The following EIF3M variants were observed in gnomAD, a reference collection of about 807,000 sequenced individuals.
EIF3M encodes eukaryotic translation initiation factor 3 subunit M, also known as B5 receptor.
In EIF3M, 25 loss-of-function variants were observed where a neutral mutation model predicts 49.7. The observed-to-expected ratio is 0.50, with a 90% CI of 0.37 to 0.70. EIF3M has a LOEUF of 0.70. EIF3M is among the 30% of genes least tolerant of loss of function. EIF3M has a pLI of 0.00. For missense variants in EIF3M, 350 were observed against 440.0 expected (o/e 0.80, Z 1.83); for synonymous variants, 156 against 149.8 (o/e 1.04, Z -0.30).
chr11:32,586,917 C>T, intron 1 of EIF3M, 95 bp from the exon 2 acceptor site: 1 of 1,425,744 alleles, frequency 7.0e-7, no homozygotes. Context: ...TTGTTGAATA[C>T]AGTATTTCCG....
chr11:32,603,202 T>G lies in EIF3M; in HGVS notation c.*803T>G, dbSNP rs1855299768. The G allele has an allele frequency of 2.0e-6, 1 of 506,008 alleles. No individual in the cohort carries two copies. Among genetic ancestry groups the G allele is most frequent in the Non-Finnish European group, 3.4e-6 (1 of 290,782 alleles). 31.3% of individuals were successfully genotyped at this position (506,008 alleles called of 1,614,324 possible). On this transcript the variant is annotated 3_prime_UTR_variant, in exon 11 of 11. Transcript: ENST00000531120. Reference sequence around the variant, plus strand: ...TGAATGTGTAGGCTTATGTAGTAGATCTTCAAAATCTCTAATATATAACTG... The same window carrying G: ...TGAATGTGTAGGCTTATGTAGTAGAGCTTCAAAATCTCTAATATATAACTG...
intron 2 of EIF3M, among the ~76,000 whole-genome samples, chr11:32,588,257 C>T (rs900066947): frequency 1.3e-5 from 2 of 151,738 alleles, no homozygotes; most frequent in African/African-American, 4.8e-5. Context: ...GGCGTGGTGG[C>T]GGGTGCCTGT....
intron 1 of EIF3M, among the ~76,000 whole-genome samples, chr11:32,584,522 C>G (rs976704314): frequency 1.3e-4 from 19 of 146,506 alleles, no homozygotes; most frequent in South Asian, 2.1e-4. Flanking sequence ...GCAAGAGAAT[C>G]GCTTGAACCC....
In EIF3M at chr11:32,591,539, C is replaced by T. The variant is rs1358216897; in HGVS notation, c.533+1898C>T. 2.0e-5 allele frequency among the ~76,000 whole-genome samples: 3 copies of T among 152,182 alleles called. No homozygotes were observed. The South Asian group carries it at 6.2e-4, about 31-fold the overall frequency. Reference sequence around the variant, plus strand: ...GATAAAAGACCTCAGGAATGTACATCTAATTGACACTACACTGCATTAATC... The same window carrying T: ...GATAAAAGACCTCAGGAATGTACATTTAATTGACACTACACTGCATTAATC... On this transcript the variant is annotated intron_variant, in intron 5 of 10. Coordinates refer to ENST00000531120, the MANE Select transcript of EIF3M (RefSeq NM_006360.6).
intron 9 of EIF3M, 134 bp from the exon 10 acceptor site, chr11:32,601,628 A>G: frequency 1.4e-6 from 1 of 732,524 alleles, no homozygotes; most frequent in Non-Finnish European, 2.2e-6. Context: ...TTTGCTTATT[A>G]GATTTAAACA....
At chr11:32,599,046 A>G (rs999162077) in intron 8 of EIF3M, among the ~76,000 whole-genome samples, 2 of 152,118 alleles carry the variant, frequency 1.3e-5, no homozygotes, top group African/African-American at 4.8e-5. Flanking sequence ...TTTTAATTCT[A>G]TAATTAAACA....
chr11:32,602,342 C>G lies in EIF3M; in HGVS notation c.1068C>G (p.Ala356=). Residue 356 remains alanine (A), a synonymous_variant, in exon 11 of 11, where the codon GCC becomes GCG. Coordinates refer to ENST00000531120, the MANE Select transcript of EIF3M (RefSeq NM_006360.6). Reference sequence around the variant, plus strand: ...AACAACTGTATGACACACTTAATGCCTGGAAACAAAATCTGAACAAAGTGA... The same window carrying G: ...AACAACTGTATGACACACTTAATGCGTGGAAACAAAATCTGAACAAAGTGA... ...QWQQLYDTLN[A]WKQNLNKVKN... is the part of the protein sequence containing the mutation. 6.2e-7 allele frequency: 1 copy of G among 1,612,334 alleles called. No individual in the cohort carries two copies. The highest frequency in any genetic ancestry group is 2.2e-5 in the East Asian group (1 of 44,744).
At chr11:32,596,812 A>T (rs1855187474) in intron 8 of EIF3M, among the ~76,000 whole-genome samples, 1 of 151,806 alleles carries the variant, frequency 6.6e-6, no homozygotes, top group Non-Finnish European at 1.5e-5. Flanking sequence ...GCCTTAGGCA[A>T]GAGAACCACT....
At position 32,604,115 on chromosome 11, in the gene EIF3M, A is replaced by G. The variant is rs1460748351; in HGVS notation, c.*1716A>G. On this transcript the variant is annotated 3_prime_UTR_variant, in exon 11 of 11. Coordinates refer to ENST00000531120, the MANE Select transcript of EIF3M (RefSeq NM_006360.6). The stretch of plus-strand genomic sequence containing the variant: ...AAAGGAATACTGAATTGTTTTCAAA[A>G]TAACAATTATGGTGGGCTTTCTTTT... 6.6e-6 allele frequency: 1 copy of G among 152,140 alleles called. No individual in the cohort carries two copies. Among genetic ancestry groups the G allele is most frequent in the Admixed American group, 6.5e-5 (1 of 15,276 alleles). 9.4% of individuals were successfully genotyped at this position (152,140 alleles called of 1,614,324 possible).
chr11:32,595,847 G>T, intron 7 of EIF3M, 119 bp from the exon 8 acceptor site: 2 of 719,562 alleles, frequency 2.8e-6, no homozygotes, highest in Non-Finnish European at 4.4e-6. Flanking sequence ...TGATATTTCT[G>T]CCTTGAACAA....
chr11:32,596,108 T>A, intron 8 of EIF3M, 61 bp downstream of exon 8: 1 of 1,262,302 alleles, frequency 7.9e-7, no homozygotes, highest in Non-Finnish European at 1.1e-6. Context: ...CTAACAGTTA[T>A]GTACTATGTG....
intron 10 of EIF3M, 115 bp downstream of exon 10, chr11:32,601,937 T>C: frequency 5.6e-6 from 6 of 1,065,568 alleles, no homozygotes; most frequent in Non-Finnish European, 8.3e-6. Context: ...AGTTAAATAG[T>C]TGCTATTTAT....
chr11:32,589,624 T>C lies in EIF3M; in HGVS notation c.516T>C (p.Leu172=), dbSNP rs776592744. 2.5e-6 allele frequency: 4 copies of C among 1,613,950 alleles called. No individual in the cohort carries two copies. The African/African-American group carries it at 5.3e-5, about 22-fold the overall frequency. ...TTTTAAGACTACTTTATGAGGCACT[T>C]GTGGATTGTAAGAAGAGGTATTCAA... The part of the protein sequence containing the change: ...HTLLRLLYEA[L]VDCKKSDAAS... Residue 172 remains leucine, a synonymous_variant, in exon 5 of 11, where the codon CTT becomes CTC. Transcript: ENST00000531120.
chr11:32,583,946 G>A lies in EIF3M; in HGVS notation c.42+17G>A. 1 of 1,612,088 alleles carries A rather than the reference G, an allele frequency of 6.2e-7. No individual in the cohort carries two copies. Among genetic ancestry groups the A allele is most frequent in the Non-Finnish European group, 8.5e-7 (1 of 1,179,776 alleles). On this transcript the variant is annotated intron_variant, in intron 1 of 10. Transcript: ENST00000531120. The stretch of plus-strand genomic sequence containing the variant: ...GAAGATCAGGTGTGCTTCGGTCTAC[G>A]GGTGCCGCCACGGTGGGGTGGGGGA...
intron 8 of EIF3M, among the ~76,000 whole-genome samples, chr11:32,599,853 C>G (rs1185690308): frequency 6.6e-6 from 1 of 151,842 alleles, no homozygotes; most frequent in Non-Finnish European, 1.5e-5. Flanking sequence ...CCCATTTAAT[C>G]TCTTTGCTCC....
At chr11:32,584,478 C>A (rs966320425) in intron 1 of EIF3M, among the ~76,000 whole-genome samples, 1 of 152,024 alleles carries the variant, frequency 6.6e-6, no homozygotes, top group African/African-American at 2.4e-5. Flanking sequence ...CGCGGTGGCA[C>A]GCGCCTGTAG....
At position 32,587,012 on chromosome 11, in the gene EIF3M, G is replaced by A. The variant is rs1406122336; in HGVS notation, c.43G>A (p.Ala15Thr). Reference sequence around the variant, plus strand: ...TTTATAATAGAGCAATCCTCAACAGGCTGCTGAGCTTCGTGCTTATCTGAA... The same window carrying A: ...TTTATAATAGAGCAATCCTCAACAGACTGCTGAGCTTCGTGCTTATCTGAA... Reference protein sequence around the residue: ...AFIDISEEDQAAELRAYLKSK... With the variant: ...AFIDISEEDQTAELRAYLKSK... The change falls in exon 2 of 11, where the codon GCT (alanine) becomes ACT (threonine). Residue 15 changes from alanine to threonine, a missense_variant and splice_region_variant. Ala to Thr is a moderately conservative substitution (Grantham distance 58, BLOSUM62 0). Coordinates refer to ENST00000531120, the MANE Select transcript of EIF3M (RefSeq NM_006360.6). The A allele has an allele frequency of 6.2e-7, 1 of 1,605,802 alleles. No individual in the cohort carries two copies. Among genetic ancestry groups the A allele is most frequent in the East Asian group, 2.2e-5 (1 of 44,760 alleles).
At chr11:32,585,972 A>G (rs976688890) in intron 1 of EIF3M, among the ~76,000 whole-genome samples, 2 of 152,232 alleles carry the variant, frequency 1.3e-5, no homozygotes, top group African/African-American at 4.8e-5. Flanking sequence ...GCTCACGCCT[A>G]TAATCTTAGC....
At chr11:32,589,424 C>CCT in intron 4 of EIF3M, 123 bp from the exon 5 acceptor site, 1 of 994,652 alleles carries the variant, frequency 1.0e-6, no homozygotes, top group Non-Finnish European at 1.5e-6. Context: ...GATCCTCCTG[C>CCT]CTTGGCCTCC....
Sources: gnomAD v4.1 joint callset for allele counts (sites outside exome capture counted in the v4.1 genomes callset) on GRCh38, gnomAD v4.1.1 for gene constraint, MANE v1.5 for transcripts, NCBI Gene and HGNC (gene_info 2026-07-23, HGNC 2026-07-21) for gene names.